Variants in TMPRSS11A observed in about 807,000 individuals in gnomAD.
The protein encoded by TMPRSS11A is transmembrane protease serine 11A.
A neutral mutation model predicts 58.9 loss-of-function variants in TMPRSS11A; 53 were observed. That is an observed-to-expected ratio of 0.90 (90% CI 0.72 to 1.13). TMPRSS11A has a LOEUF of 1.13. Among genes scored for constraint, TMPRSS11A ranks in the 50% most tolerant of loss-of-function variants. The pLI, the probability that TMPRSS11A is intolerant of heterozygous loss-of-function variation, is 0.00. For synonymous variants in TMPRSS11A, 167 were observed against 169.8 expected (o/e 0.98, Z 0.13); for missense variants, 493 against 499.3 (o/e 0.99, Z 0.12).
chr4:67,911,089 C>T lies in TMPRSS11A; in HGVS notation c.*253G>A, dbSNP rs191835314. 8 of 325,514 alleles carry T rather than the reference C, an allele frequency of 2.5e-5. No homozygotes were observed. Among genetic ancestry groups the T allele is most frequent in the Middle Eastern group, 8.5e-4 (1 of 1,180 alleles). The allele number at this position is 325,514 out of a possible 1,614,324, so 20.2% of individuals were successfully genotyped here. A position where few individuals can be genotyped will look rare whatever the true frequency, so the allele number is the denominator to read the frequency against. On this transcript the variant is annotated 3_prime_UTR_variant, in exon 10 of 10. Transcript: ENST00000508048. ...TGAGTCTCACTGGTACTTCAACATT[C>T]GTGATTTAAAGAGCTAAGTATCTCT... is the stretch of plus-strand genomic sequence containing the variant.
intron 3 of TMPRSS11A, among the ~76,000 whole-genome samples, chr4:67,936,501 A>T (rs1720758203): frequency 6.6e-6 from 1 of 152,150 alleles, no homozygotes; most frequent in South Asian, 2.1e-4. Flanking sequence ...TGGAGAAAGC[A>T]GTTGGATCCA....
intron 1 of TMPRSS11A, among the ~76,000 whole-genome samples, chr4:67,956,497 A>G (rs1721292233): frequency 6.6e-6 from 1 of 152,194 alleles, no homozygotes; most frequent in Non-Finnish European, 1.5e-5. Context: ...TGTTGGGAAT[A>G]AGGAGATATG....
intron 5 of TMPRSS11A, among the ~76,000 whole-genome samples, chr4:67,925,323 G>T (rs1720439044): frequency 6.6e-6 from 1 of 152,088 alleles, no homozygotes; most frequent in African/African-American, 2.4e-5. Flanking sequence ...AAATAAAGTT[G>T]GTGGAAGGTT....
chr4:67,924,226 AC>A, intron 5 of TMPRSS11A, 60 bp from the exon 6 acceptor site: 1 of 1,422,410 alleles, frequency 7.0e-7, no homozygotes, highest in Non-Finnish European at 9.9e-7. Context: ...GGTCTCAATG[AC>A]CAGGAATAAT....
intron 8 of TMPRSS11A, among the ~76,000 whole-genome samples, chr4:67,917,949 G>T (rs1720204045): frequency 6.6e-6 from 1 of 152,136 alleles, no homozygotes; most frequent in South Asian, 2.1e-4. Flanking sequence ...CAACCTTAAA[G>T]AAAGCAATGC....
intron 1 of TMPRSS11A, among the ~76,000 whole-genome samples, chr4:67,952,128 T>A (rs1721177676): frequency 6.6e-6 from 1 of 152,198 alleles, no homozygotes; most frequent in Admixed American, 6.5e-5. Flanking sequence ...TAGGGATTGT[T>A]GATATATTTT....
intron 3 of TMPRSS11A, 85 bp from the exon 4 acceptor site, chr4:67,932,145 A>G (rs1165171810): frequency 1.3e-6 from 1 of 775,690 alleles, no homozygotes; most frequent in Non-Finnish European, 2.1e-6. Context: ...AAAGCAATCA[A>G]AAATTTTTTC....
In TMPRSS11A at chr4:67,923,999, C is replaced by A; in HGVS notation, c.520+129G>T. Reference sequence around the variant, plus strand: ...AGTTAGAAAAAAAATGTATTTAAATCTATCGTACAAATAGTTATTATCTCT... The same window carrying A: ...AGTTAGAAAAAAAATGTATTTAAATATATCGTACAAATAGTTATTATCTCT... On this transcript the variant is annotated intron_variant, in intron 6 of 9. Coordinates refer to ENST00000508048, the MANE Select transcript of TMPRSS11A (RefSeq NM_001114387.2). 3.6e-6 allele frequency: 3 copies of A among 829,768 alleles called. No homozygotes were observed. The South Asian group carries it at 4.2e-5, about 12-fold the overall frequency. 51.4% of individuals were successfully genotyped at this position (829,768 alleles called of 1,614,324 possible).
chr4:67,913,048 C>T (rs1372716858), intron 9 of TMPRSS11A, among the ~76,000 whole-genome samples: 1 of 152,022 alleles, frequency 6.6e-6, no homozygotes, highest in African/African-American at 2.4e-5. Context: ...TCTTCCAATC[C>T]TTCCACTGGA....
In TMPRSS11A at chr4:67,949,569, T is replaced by A. The variant is rs559174209; in HGVS notation, c.12-2998A>T. On this transcript the variant is annotated intron_variant, in intron 1 of 9. Coordinates refer to ENST00000508048, the MANE Select transcript of TMPRSS11A (RefSeq NM_001114387.2). ...AACAAGGAATACGTAAAAACAAAAATGTATCACCACCGGGCATGGTGGCTC... is the reference window on the plus strand; with the variant it reads ...AACAAGGAATACGTAAAAACAAAAAAGTATCACCACCGGGCATGGTGGCTC... Among the ~76,000 whole-genome samples the A allele has an allele frequency of 2.0e-5, 3 of 152,282 alleles. No homozygotes were observed. The East Asian group carries it at 5.8e-4, about 29-fold the overall frequency.
At chr4:67,958,236 C>G (rs899858921) in intron 1 of TMPRSS11A, among the ~76,000 whole-genome samples, 1 of 152,188 alleles carries the variant, frequency 6.6e-6, no homozygotes, top group African/African-American at 2.4e-5. Flanking sequence ...CACCGTCCTC[C>G]AGACCCCAGA....
At chr4:67,954,705 A>C (rs547988583) in intron 1 of TMPRSS11A, among the ~76,000 whole-genome samples, 5 of 152,316 alleles carry the variant, frequency 3.3e-5, no homozygotes, top group Admixed American at 3.3e-4. Context: ...ACGGACTTCT[A>C]ATTGGGAGTG....
intron 1 of TMPRSS11A, among the ~76,000 whole-genome samples, chr4:67,962,280 T>C (rs17088839): frequency 0.073 from 11,064 of 152,142 alleles, 570 homozygotes; most frequent in Middle Eastern, 0.14. Flanking sequence ...GAAGGACTGA[T>C]GCAAACATGC....
At chr4:67,916,343 A>G (rs1219135410) in intron 8 of TMPRSS11A, among the ~76,000 whole-genome samples, 1 of 152,160 alleles carries the variant, frequency 6.6e-6, no homozygotes. Flanking sequence ...TCCAAGATTT[A>G]TTTCTGAAGA....
intron 1 of TMPRSS11A, 135 bp downstream of exon 1, chr4:67,963,248 C>T (rs1721482163): frequency 5.2e-6 from 4 of 766,034 alleles, no homozygotes; most frequent in Non-Finnish European, 4.1e-6. Context: ...ATGATAATTC[C>T]AGAAATTTAA....
At chr4:67,945,721 GTTAT>G (rs1266025857) in intron 2 of TMPRSS11A, among the ~76,000 whole-genome samples, 1 of 152,112 alleles carries the variant, frequency 6.6e-6, no homozygotes, top group Non-Finnish European at 1.5e-5. Flanking sequence ...AGCAGCCTGA[GTTAT>G]TTGTTTTATC....
Position 67,911,357 on chromosome 4 carries a change from T to C in TMPRSS11A, c.1242A>G (p.Ser414=). 1.2e-6 allele frequency: 2 copies of C among 1,613,186 alleles called. No individual in the cohort carries two copies. Among genetic ancestry groups the C allele is most frequent in the Non-Finnish European group, 1.7e-6 (2 of 1,179,442 alleles). Residue 414 remains serine (S), a synonymous_variant, in exon 10 of 10, where the codon TCA becomes TCG. Coordinates refer to ENST00000508048, the MANE Select transcript of TMPRSS11A (RefSeq NM_001114387.2). ...QVTYYRNWIA[S]KTGI The stretch of plus-strand genomic sequence containing the variant: ...TTATCGTGAATTAGATGCCTGTTTT[T>C]GAAGCAATCCAGTTTCGGTAATAAG...
intron 1 of TMPRSS11A, among the ~76,000 whole-genome samples, chr4:67,948,063 A>C (rs1721068211): frequency 6.6e-6 from 1 of 152,076 alleles, no homozygotes; most frequent in South Asian, 2.1e-4. Context: ...ATTTTTTTGG[A>C]AACAGAGGAT....
At chr4:67,930,101 T>G in intron 4 of TMPRSS11A, 61 bp from the exon 5 acceptor site, 1 of 1,479,544 alleles carries the variant, frequency 6.8e-7, no homozygotes, top group Non-Finnish European at 9.2e-7. Context: ...TCCTTCAGTC[T>G]TACCTGTATC....
Sources: gnomAD v4.1 joint callset for allele counts (sites outside exome capture counted in the v4.1 genomes callset) on GRCh38, gnomAD v4.1.1 for gene constraint, MANE v1.5 for transcripts, NCBI Gene and HGNC (gene_info 2026-07-23, HGNC 2026-07-21) for gene names.